The following COG4 variants were observed in gnomAD, a reference collection of about 807,000 sequenced individuals.
COG4 encodes the protein conserved oligomeric Golgi complex subunit 4.
In COG4, 65 loss-of-function variants were observed where a neutral mutation model predicts 95.1. The observed-to-expected ratio is 0.68, with a 90% CI of 0.56 to 0.84. The LOEUF is 0.84. COG4 is among the 40% of genes least tolerant of loss of function. COG4 has a pLI of 0.00. For missense variants in COG4, 1,045 were observed against 989.1 expected (o/e 1.06, Z -0.76); for synonymous variants, 421 against 374.8 (o/e 1.12, Z -1.42).
rs771665294 is a variant in COG4, at chr16:70,523,462, G to T, written c.82C>A (p.Arg28Ser). The change falls in exon 1 of 19, where the codon CGC becomes AGC. Residue 28 changes from arginine (R) to serine (S), a missense_variant. By Grantham distance (110) the Arg-to-Ser change is moderately radical (BLOSUM62 -1). Transcript: ENST00000323786. Reference sequence around the variant, plus strand: ...AGCTCAGCGGAGATTTCGGAGCAGCGGCCACCTCCCACCCCCTCAGACGGC... The same window carrying T: ...AGCTCAGCGGAGATTTCGGAGCAGCTGCCACCTCCCACCCCCTCAGACGGC... ...QQPSEGVGGG[R>S]CSEISAELIR... 2.5e-6 allele frequency: 4 copies of T among 1,614,028 alleles called. No homozygotes were observed. In the South Asian group the frequency reaches 4.4e-5, roughly 18 times the overall value.
intron 4 of COG4, among the ~76,000 whole-genome samples, chr16:70,513,355 G>A (rs1017062751): frequency 5.9e-5 from 9 of 152,120 alleles, no homozygotes; most frequent in South Asian, 2.1e-4. Flanking sequence ...CAAAGAACCC[G>A]CTGGCCAGAG....
At chr16:70,515,861 G>T in intron 3 of COG4, 1 of 378,404 alleles carries the variant, frequency 2.6e-6, no homozygotes, top group Non-Finnish European at 5.2e-6. Context: ...GTAGGACAGG[G>T]TCTTACTGTG....
At chr16:70,516,323 G>A (rs1157475942) in intron 3 of COG4, among the ~76,000 whole-genome samples, 1 of 145,526 alleles carries the variant, frequency 6.9e-6, no homozygotes, top group East Asian at 1.9e-4. Context: ...TTTTGAGACA[G>A]AATCTCTCTG....
intron 11 of COG4, among the ~76,000 whole-genome samples, chr16:70,496,717 T>C (rs1290317017): frequency 6.6e-6 from 1 of 152,180 alleles, no homozygotes; most frequent in Admixed American, 6.5e-5. Context: ...CTGTGCGGCT[T>C]AGTGAACGCA....
intron 4 of COG4, among the ~76,000 whole-genome samples, chr16:70,513,407 G>T (rs2049752507): frequency 6.6e-6 from 1 of 152,154 alleles, no homozygotes; most frequent in South Asian, 2.1e-4. Flanking sequence ...CATAAAATGG[G>T]AATACAGTAG....
At chr16:70,521,041 C>G (rs924243994) in intron 1 of COG4, among the ~76,000 whole-genome samples, 2 of 152,106 alleles carry the variant, frequency 1.3e-5, no homozygotes, top group Admixed American at 1.3e-4. Flanking sequence ...GCGTGCACAA[C>G]CCTGGTCCAC....
chr16:70,482,148 C>T lies in COG4; in HGVS notation c.1948G>A (p.Asp650Asn), dbSNP rs372849778. 13 of 1,613,822 alleles carry T rather than the reference C, an allele frequency of 8.1e-6. No homozygotes were observed. The highest frequency in any genetic ancestry group is 2.2e-5 in the South Asian group (2 of 91,082). Residue 650 changes from aspartate (D) to asparagine (N), a missense_variant, in exon 16 of 19, where the codon GAC becomes AAC. Physicochemically the swap from Asp to Asn is conservative, Grantham distance 23 (BLOSUM62 1). Coordinates refer to ENST00000323786, the MANE Select transcript of COG4 (RefSeq NM_015386.3). The part of the protein sequence containing the change: ...EEEFNDYEAN[D>N]PWVQQFILNL... ...AGGATGAACTGTTGTACCCAAGGGTCGTTGGCCTCATAGTCATTGAATTCT... is the reference window on the plus strand; with the variant it reads ...AGGATGAACTGTTGTACCCAAGGGTTGTTGGCCTCATAGTCATTGAATTCT...
Position 70,482,804 on chromosome 16 carries a change from G to A in COG4, c.1845C>T (p.Leu615=), listed in dbSNP as rs74539146. The A allele has an allele frequency of 3.1e-6, 5 of 1,613,692 alleles. No homozygotes were observed. Among genetic ancestry groups the A allele is most frequent in the Non-Finnish European group, 4.2e-6 (5 of 1,179,822 alleles). ...CCTGTGGCTTGATGGCTGTGCTGTT[G>A]AGCTCCGTCAGCCCTTCCTGCACAA... ...RDLLQEGLTE[L]NSTAIKPQVQ... Residue 615 remains leucine (L), a synonymous_variant, in exon 15 of 19, where the codon CTC becomes CTT. Coordinates refer to ENST00000323786, the MANE Select transcript of COG4 (RefSeq NM_015386.3).
intron 3 of COG4, 34 bp from the exon 4 acceptor site, chr16:70,514,543 C>G (rs1229928160): frequency 1.9e-6 from 3 of 1,603,602 alleles, no homozygotes. Context: ...AAACAATGTC[C>G]TATTCTTTCA....
At chr16:70,510,393 G>T (rs2049675911) in intron 5 of COG4, among the ~76,000 whole-genome samples, 1 of 152,218 alleles carries the variant, frequency 6.6e-6, no homozygotes, top group Non-Finnish European at 1.5e-5. Context: ...CACAGTCATA[G>T]TTCACTGTGG....
At chr16:70,483,822 G>T in intron 14 of COG4, 31 bp downstream of exon 14, 2 of 1,478,458 alleles carry the variant, frequency 1.4e-6, no homozygotes, top group South Asian at 1.1e-5. Context: ...ACAGGCACAG[G>T]ATTCAGTCAG....
chr16:70,517,791 C>G (rs774516141), intron 2 of COG4, 51 bp from the exon 3 acceptor site: 1 of 1,302,886 alleles, frequency 7.7e-7, no homozygotes, highest in Non-Finnish European at 1.1e-6. Flanking sequence ...AGAGAAGAGA[C>G]AGAAACTTTT....
intron 12 of COG4, 127 bp from the exon 13 acceptor site, chr16:70,490,519 G>A (rs557439970): frequency 5.1e-6 from 4 of 785,324 alleles, no homozygotes; most frequent in South Asian, 1.4e-5. Context: ...TCAGACTTGC[G>A]CTAATGAAAA....
chr16:70,519,925 C>A (rs1200648417), intron 1 of COG4, among the ~76,000 whole-genome samples, 194 bp from the exon 2 acceptor site: 4 of 152,166 alleles, frequency 2.6e-5, no homozygotes, highest in Non-Finnish European at 4.4e-5. Context: ...ATATCTTATT[C>A]CACCTGGCAG....
chr16:70,509,500 T>C (rs946585948), intron 6 of COG4, 112 bp from the exon 7 acceptor site: 11 of 1,233,644 alleles, frequency 8.9e-6, no homozygotes, highest in African/African-American at 1.5e-5. Context: ...GCTGCTTCAC[T>C]TTCTAAAATG....
chr16:70,489,541 A>AC (rs1227443044), intron 13 of COG4, among the ~76,000 whole-genome samples: 1 of 151,154 alleles, frequency 6.6e-6, no homozygotes, highest in Non-Finnish European at 1.5e-5. Flanking sequence ...AAAAAAAAAA[A>AC]AGTTTTTTTT....
chr16:70,503,364 CT>C (rs928937483), intron 8 of COG4, among the ~76,000 whole-genome samples: 76 of 152,240 alleles, frequency 5.0e-4, no homozygotes, highest in Middle Eastern at 3.4e-3. Flanking sequence ...CCCAAGACAT[CT>C]TTACAAACAT....
In COG4 at chr16:70,509,924, A is replaced by G; in HGVS notation, c.836T>C (p.Leu279Pro). Residue 279 changes from leucine (L) to proline (P), a missense_variant, in exon 6 of 19, where the codon CTG becomes CCG. Coordinates refer to ENST00000323786, the MANE Select transcript of COG4 (RefSeq NM_015386.3). ...CGGAGAAAGAGGCTCACCTTCAAAC[A>G]GAAGAGTAAGTGTATCTGCAAAGAT... is the stretch of plus-strand genomic sequence containing the variant. ...AVIFADTLTL[L>P]FEGIARIVET... 1 of 1,613,300 alleles carries G rather than the reference A, an allele frequency of 6.2e-7. No homozygotes were observed. Among genetic ancestry groups the G allele is most frequent in the Non-Finnish European group, 8.5e-7 (1 of 1,179,294 alleles).
Position 70,517,671 on chromosome 16 carries a change from C to G in COG4, c.324G>C (p.Leu108=), listed in dbSNP as rs989676829. 5 of 1,613,476 alleles carry G rather than the reference C, an allele frequency of 3.1e-6. No individual in the cohort carries two copies. Among genetic ancestry groups the G allele is most frequent in the African/African-American group, 2.7e-5 (2 of 74,772 alleles). ...GAACTTTGCTGGACACATTCTCAGC[C>G]AGGTTGCAGGTAAAGGTGATCATTC... ...LAGMITFTCN[L]AENVSSKVRQ... is the part of the protein sequence containing the mutation. Residue 108 remains leucine (L), a synonymous_variant, in exon 3 of 19, where the codon CTG becomes CTC. Coordinates refer to ENST00000323786, the MANE Select transcript of COG4 (RefSeq NM_015386.3).
Sources: gnomAD v4.1 joint callset for allele counts (sites outside exome capture counted in the v4.1 genomes callset) on GRCh38, gnomAD v4.1.1 for gene constraint, MANE v1.5 for transcripts, NCBI Gene and HGNC (gene_info 2026-07-23, HGNC 2026-07-21) for gene names.